The following BABAM2 variants were observed in gnomAD, a reference collection of about 807,000 sequenced individuals.
The protein encoded by BABAM2 is BRISC and BRCA1 A complex member 2.
A neutral mutation model predicts 54.7 loss-of-function variants in BABAM2; 31 were observed. The observed-to-expected ratio is 0.57, with a 90% confidence interval of 0.43 to 0.77. BABAM2 has a LOEUF of 0.77. BABAM2 is among the 30% of genes least tolerant of loss of function. BABAM2 has a pLI of 0.00. For synonymous variants in BABAM2, 167 were observed against 162.9 expected (o/e 1.03, Z -0.19); for missense variants, 364 against 455.8 (o/e 0.80, Z 1.83).
At chr2:28,246,410 C>T (rs553026135) in intron 10 of BABAM2, among the ~76,000 whole-genome samples, 5 of 152,330 alleles carry the variant, frequency 3.3e-5, no homozygotes, top group East Asian at 1.9e-4. Flanking sequence ...GATGACCCAA[C>T]GGCAGATCTT....
chr2:28,268,898 A>G (rs1260830839), intron 10 of BABAM2, among the ~76,000 whole-genome samples: 1 of 152,246 alleles, frequency 6.6e-6, no homozygotes, highest in East Asian at 1.9e-4. Context: ...TCTGCGGAGA[A>G]ATCCTACAAA....
In BABAM2 at chr2:27,897,538, CT is replaced by C. The variant is rs899445826; in HGVS notation, c.128+2866del. ...GGAGTTGATCAGAAGACAGTTTTAACTTTTTTTTTTTTCTTCTAAAAGTTAA... is the reference window on the plus strand; with the variant it reads ...GGAGTTGATCAGAAGACAGTTTTAACTTTTTTTTTTTCTTCTAAAAGTTAA... On this transcript the variant is annotated intron_variant, in intron 2 of 11. Transcript: ENST00000379624. 3.9e-4 allele frequency among the ~76,000 whole-genome samples: 57 copies of C among 146,090 alleles called. 1 individual carries two copies. The highest frequency in any genetic ancestry group is 1.3e-3 in the South Asian group (6 of 4,608).
At chr2:28,160,543 A>G (rs892363766) in intron 7 of BABAM2, among the ~76,000 whole-genome samples, 2 of 152,198 alleles carry the variant, frequency 1.3e-5, no homozygotes, top group African/African-American at 4.8e-5. Flanking sequence ...TGTGCAATGC[A>G]CACGATCACA....
chr2:27,888,953 G>C (rs1664626551), upstream of BABAM2, among the ~76,000 whole-genome samples: 1 of 152,202 alleles, frequency 6.6e-6, no homozygotes, highest in Non-Finnish European at 1.5e-5. Flanking sequence ...GTCACCAAAG[G>C]AAAGTATTTT....
At chr2:27,937,055 T>C (rs577614318) in intron 3 of BABAM2, among the ~76,000 whole-genome samples, 2 of 152,330 alleles carry the variant, frequency 1.3e-5, no homozygotes, top group Admixed American at 1.3e-4. Context: ...ATATAACTCT[T>C]ATATGCACTG....
intron 4 of BABAM2, among the ~76,000 whole-genome samples, chr2:28,018,066 A>G (rs1408728447): frequency 6.6e-6 from 1 of 152,094 alleles, no homozygotes; most frequent in African/African-American, 2.4e-5. Flanking sequence ...TTTAGTGGCA[A>G]TTTCTGAGAT....
intron 2 of BABAM2, among the ~76,000 whole-genome samples, chr2:27,926,872 T>TA (rs1352624499): frequency 6.6e-6 from 1 of 152,156 alleles, no homozygotes; most frequent in Admixed American, 6.5e-5. Context: ...TTGTTACATA[T>TA]AGTGTATAGT....
intron 6 of BABAM2, among the ~76,000 whole-genome samples, chr2:28,080,501 G>A (rs1665066811): frequency 6.6e-6 from 1 of 152,146 alleles, no homozygotes; most frequent in African/African-American, 2.4e-5. Flanking sequence ...AAAATCTCTA[G>A]ATATAATGAG....
At chr2:28,098,223 G>T (rs957873668) in intron 6 of BABAM2, among the ~76,000 whole-genome samples, 28 of 152,100 alleles carry the variant, frequency 1.8e-4, no homozygotes, top group African/African-American at 6.8e-4. Context: ...CTTTAATTCT[G>T]CTGTCAGACT....
At chr2:28,205,760 G>A (rs984173468) in intron 7 of BABAM2, among the ~76,000 whole-genome samples, 6 of 152,092 alleles carry the variant, frequency 3.9e-5, no homozygotes, top group Admixed American at 3.3e-4. Flanking sequence ...ATAATCATTA[G>A]CAATCTATGA....
In BABAM2 at chr2:28,237,244, A is replaced by G. The variant is rs1271643743; in HGVS notation, c.723A>G (p.Pro241=). Reference sequence around the variant, plus strand: ...CAGCTCTTCATATCCCAGCTTTTCCAGGAGGAGGATGTCTCATTGATTACG... The same window carrying G: ...CAGCTCTTCATATCCCAGCTTTTCCGGGAGGAGGATGTCTCATTGATTACG... ...GSSALHIPAF[P]GGGCLIDYVP... is the part of the protein sequence containing the mutation. Residue 241 remains proline (P), a synonymous_variant, in exon 8 of 12, where the codon CCA becomes CCG. Coordinates refer to ENST00000379624, the MANE Select transcript of BABAM2 (RefSeq NM_199191.3). 3.1e-6 allele frequency: 5 copies of G among 1,613,788 alleles called. No homozygotes were observed. The South Asian group carries it at 5.5e-5, about 18-fold the overall frequency.
intron 4 of BABAM2, among the ~76,000 whole-genome samples, chr2:28,001,113 G>A (rs1441022145): frequency 6.6e-6 from 1 of 152,156 alleles, no homozygotes; most frequent in African/African-American, 2.4e-5. Flanking sequence ...ACAGAGCAAG[G>A]AAATGTGCAT....
intron 6 of BABAM2, among the ~76,000 whole-genome samples, chr2:28,085,550 T>C (rs567839985): frequency 3.3e-5 from 5 of 152,360 alleles, no homozygotes; most frequent in Admixed American, 6.5e-5. Context: ...TGAATACTTA[T>C]ATATTTTAGA....
intron 11 of BABAM2, among the ~76,000 whole-genome samples, chr2:28,336,963 C>CCTGGGAG (rs1691523993): frequency 6.6e-6 from 1 of 152,220 alleles, no homozygotes; most frequent in South Asian, 2.1e-4. Context: ...CTTCTGATCT[C>CCTGGGAG]CTGGGAGCTG....
intron 10 of BABAM2, among the ~76,000 whole-genome samples, chr2:28,278,764 A>G (rs1686088686): frequency 6.6e-6 from 1 of 152,188 alleles, no homozygotes; most frequent in Non-Finnish European, 1.5e-5. Flanking sequence ...ATGGAGACCA[A>G]TCAGCAGCAG....
intron 4 of BABAM2, among the ~76,000 whole-genome samples, chr2:28,021,477 T>TA (rs892091755): frequency 3.3e-5 from 5 of 152,228 alleles, no homozygotes; most frequent in Admixed American, 3.3e-4. Context: ...TTATGCCATT[T>TA]AAAAAATATT....
chr2:28,106,553 T>C (rs1667543274), intron 6 of BABAM2, among the ~76,000 whole-genome samples: 1 of 152,262 alleles, frequency 6.6e-6, no homozygotes, highest in South Asian at 2.1e-4. Flanking sequence ...TGTCTGATGT[T>C]CACTCATGAT....
At chr2:28,261,036 G>A (rs1015410961) in intron 10 of BABAM2, among the ~76,000 whole-genome samples, 1 of 143,836 alleles carries the variant, frequency 7.0e-6, no homozygotes, top group Non-Finnish European at 1.5e-5. Context: ...CCACCTCCTA[G>A]ATTCAAGCGA....
intron 3 of BABAM2, among the ~76,000 whole-genome samples, chr2:27,977,922 G>A (rs551406237): frequency 6.6e-6 from 1 of 152,284 alleles, no homozygotes; most frequent in Admixed American, 6.5e-5. Context: ...GTCCCATAAA[G>A]TTCTCAGAAC....
Sources: gnomAD v4.1 joint callset for allele counts (sites outside exome capture counted in the v4.1 genomes callset) on GRCh38, gnomAD v4.1.1 for gene constraint, MANE v1.5 for transcripts, NCBI Gene and HGNC (gene_info 2026-07-23, HGNC 2026-07-21) for gene names.